GSDME: variants seen among roughly 807,000 people sequenced by gnomAD.
GSDME encodes gasdermin-E.
In GSDME, 44 loss-of-function variants were observed where a neutral mutation model predicts 47.5. That is an observed-to-expected ratio of 0.93 (90% CI 0.73 to 1.19). The LOEUF is 1.19. Ranked by LOEUF, GSDME falls within the 50% of genes most tolerant of loss-of-function variation. The probability of loss-of-function intolerance (pLI) is 0.00; values close to 1 mark genes in which losing one functional copy is unlikely to be tolerated. For missense variants in GSDME, 663 were observed against 604.2 expected, an observed-to-expected ratio of 1.10 and a Z score of -1.02; for synonymous variants, 258 against 252.8, an observed-to-expected ratio of 1.02 and a Z score of -0.20.
chr7:24,747,032 C>T (rs1209276796), intron 2 of GSDME, among the ~76,000 whole-genome samples: 2 of 152,212 alleles, frequency 1.3e-5, no homozygotes, highest in Non-Finnish European at 2.9e-5. Context: ...GGATTCTTCA[C>T]CTGCAGTGAC....
At chr7:24,711,327 C>T (rs958280754) in intron 5 of GSDME, among the ~76,000 whole-genome samples, 4 of 152,072 alleles carry the variant, frequency 2.6e-5, no homozygotes, top group Admixed American at 2.0e-4. Flanking sequence ...TTGCTGGAAG[C>T]GATTCTCCTG....
the GSDME span, among the ~76,000 whole-genome samples, chr7:24,789,161 G>T: frequency 2.0e-5 from 3 of 152,200 alleles, no homozygotes; most frequent in Non-Finnish European, 4.4e-5. Context: ...GGTGTTTCTG[G>T]TATTGCAAAA....
chr7:24,747,699 A>T (rs4719779), intron 2 of GSDME, among the ~76,000 whole-genome samples: 39,796 of 150,290 alleles, frequency 0.26, 5,298 homozygotes, highest in Admixed American at 0.32. Context: ...GGAGACAGGG[A>T]CTCTGTTGCC....
rs1448390469 is a variant in GSDME, at chr7:24,726,600, G to A, written c.405-7382C>T. ...GCACTTTGGGAGGCCGAGGCGGGCG[G>A]ATCACGAGGTCAGGAGATCGAGACC... On this transcript the variant is annotated intron_variant, in intron 3 of 9. Coordinates refer to ENST00000645220, the MANE Select transcript of GSDME (RefSeq NM_001127453.2). This position sits in a 1 kb window ranked among gnomAD's most constrained non-coding sequence, Gnocchi z 5.6. 1.3e-5 allele frequency among the ~76,000 whole-genome samples: 2 copies of A among 152,260 alleles called. No individual in the cohort carries two copies. Among genetic ancestry groups the A allele is most frequent in the East Asian group, 3.9e-4 (2 of 5,180 alleles).
chr7:24,794,412 A>G, the GSDME span, among the ~76,000 whole-genome samples: 5 of 152,042 alleles, frequency 3.3e-5, no homozygotes, highest in Non-Finnish European at 7.4e-5. Flanking sequence ...CGGCGGGAGT[A>G]GAGCTACTCT....
In GSDME at chr7:24,721,124, G is replaced by A. The variant is rs1789766641; in HGVS notation, c.405-1906C>T. On this transcript the variant is annotated intron_variant, in intron 3 of 9. Transcript: ENST00000645220. This position sits in a 1 kb window ranked among gnomAD's most constrained non-coding sequence, Gnocchi z 4.1. ...CTGCCTGATGGCTGCAGAGTTCCTA[G>A]TTGAGGTGACGAAGAAGTTCTAGAA... 6.6e-6 allele frequency among the ~76,000 whole-genome samples: 1 copy of A among 152,148 alleles called. No homozygotes were observed. Among genetic ancestry groups the A allele is most frequent in the East Asian group, 1.9e-4 (1 of 5,196 alleles).
intron 3 of GSDME, among the ~76,000 whole-genome samples, chr7:24,723,052 G>A (rs182872229): frequency 4.6e-5 from 7 of 152,324 alleles, no homozygotes; most frequent in African/African-American, 1.4e-4. Context: ...CAGGGCTGCC[G>A]GAAACTGCAG....
At chr7:24,738,022 C>A (rs568150754) in intron 3 of GSDME, among the ~76,000 whole-genome samples, 3 of 152,102 alleles carry the variant, frequency 2.0e-5, no homozygotes, top group Non-Finnish European at 4.4e-5. Context: ...TAGTATCATA[C>A]TGAAATGGAG....
At position 24,714,087 on chromosome 7, in the gene GSDME, G is replaced by A. The variant is rs750773490; in HGVS notation, c.697+3167C>T. Reference sequence around the variant, plus strand: ...CAACTGGAAGTTGGTGCTGAAGGACGCTAGCAAATGCCAAGATGTATAAAA... The same window carrying A: ...CAACTGGAAGTTGGTGCTGAAGGACACTAGCAAATGCCAAGATGTATAAAA... On this transcript the variant is annotated intron_variant, in intron 5 of 9. Coordinates refer to ENST00000645220, the MANE Select transcript of GSDME (RefSeq NM_001127453.2). This position sits in a 1 kb window ranked among gnomAD's most constrained non-coding sequence, Gnocchi z 5.0. Among the ~76,000 whole-genome samples, 17 of 152,210 alleles carry A rather than the reference G, an allele frequency of 1.1e-4. No homozygotes were observed. Among genetic ancestry groups the A allele is most frequent in the Non-Finnish European group, 2.4e-4 (16 of 68,046 alleles).
At chr7:24,734,744 T>A (rs1328172075) in intron 3 of GSDME, among the ~76,000 whole-genome samples, 4 of 150,782 alleles carry the variant, frequency 2.7e-5, no homozygotes, top group Non-Finnish European at 5.9e-5. Flanking sequence ...TGAAAATACA[T>A]CAGAGGAGAC....
At chr7:24,730,190 C>T (rs1273988502) in intron 3 of GSDME, among the ~76,000 whole-genome samples, 3 of 152,204 alleles carry the variant, frequency 2.0e-5, no homozygotes, top group Non-Finnish European at 4.4e-5. Flanking sequence ...CCAAGTGGAA[C>T]AAACATCTGC....
the GSDME span, among the ~76,000 whole-genome samples, chr7:24,778,217 G>C: frequency 1.8e-4 from 27 of 151,782 alleles, no homozygotes; most frequent in African/African-American, 6.3e-4. This position sits in a 1 kb window ranked among gnomAD's most constrained non-coding sequence, Gnocchi z 5.6. Flanking sequence ...GAAGGACCAG[G>C]TTAGAGCTAG....
Position 24,717,293 on chromosome 7 carries a change from C to T in GSDME, c.658G>A (p.Gly220Ser), listed in dbSNP as rs140666247. The change falls in exon 5 of 10, where the codon GGT becomes AGT. Residue 220 changes from glycine (G) to serine (S), a missense_variant. Physicochemically the swap from Gly to Ser is moderately conservative, Grantham distance 56 (BLOSUM62 0). Transcript: ENST00000645220. Reference protein sequence around the residue: ...EIPAATTIAYGVIELYVKLDG... With the variant: ...EIPAATTIAYSVIELYVKLDG... ...AGTTTCACGTATAACTCAATGACAC[C>T]GTAGGCAATGGTGGTGGCAGCTGGG... 5.3e-4 allele frequency: 854 copies of T among 1,614,092 alleles called. 4 individuals carry two copies. In the Admixed American group the frequency reaches 6.0e-3, roughly 11 times the overall value.
the GSDME span, among the ~76,000 whole-genome samples, chr7:24,787,402 GT>G: frequency 0.11 from 17,063 of 152,172 alleles, 1,145 homozygotes; most frequent in East Asian, 0.19. The surrounding 1 kb of genome is among the most constrained non-coding windows in gnomAD (Gnocchi z 5.0). Flanking sequence ...AGAAGGTGGT[GT>G]CCCAGCTATG....
the GSDME span, among the ~76,000 whole-genome samples, chr7:24,792,344 A>T: frequency 3.3e-5 from 5 of 152,176 alleles, no homozygotes; most frequent in African/African-American, 1.2e-4. Context: ...AAAGCTGTAT[A>T]TTGGGGGGCA....
At chr7:24,776,894 G>T in the GSDME span, among the ~76,000 whole-genome samples, 2 of 152,044 alleles carry the variant, frequency 1.3e-5, no homozygotes, top group African/African-American at 2.4e-5. Flanking sequence ...GTAAAAAATC[G>T]TGCACCAAAC....
At chr7:24,795,089 C>G in the GSDME span, among the ~76,000 whole-genome samples, 1 of 152,218 alleles carries the variant, frequency 6.6e-6, no homozygotes, top group Non-Finnish European at 1.5e-5. Flanking sequence ...ACCAGTCTTA[C>G]CGTGTTCCAG....
chr7:24,754,549 G>A lies in GSDME; in HGVS notation c.-20+2847C>T, dbSNP rs962976669. Among the ~76,000 whole-genome samples the A allele has an allele frequency of 6.6e-6, 1 of 151,336 alleles. No individual in the cohort carries two copies. Among genetic ancestry groups the A allele is most frequent in the South Asian group, 2.1e-4 (1 of 4,770 alleles). ...TAGTCTGGCTTCCCAGCTGAAAGCAGATGAGAACTAAAAAGGCCAAAGCAA... is the reference window on the plus strand; with the variant it reads ...TAGTCTGGCTTCCCAGCTGAAAGCAAATGAGAACTAAAAAGGCCAAAGCAA... On this transcript the variant is annotated intron_variant, in intron 1 of 9. Transcript: ENST00000645220. This position sits in a 1 kb window ranked among gnomAD's most constrained non-coding sequence, Gnocchi z 5.0.
the GSDME span, among the ~76,000 whole-genome samples, chr7:24,783,895 T>C: frequency 6.6e-6 from 1 of 152,098 alleles, no homozygotes; most frequent in Non-Finnish European, 1.5e-5. Context: ...GGAAGATGAT[T>C]TCATCCTTGG....
Sources: gnomAD v4.1 joint callset for allele counts (sites outside exome capture counted in the v4.1 genomes callset) on GRCh38, gnomAD v4.1.1 for gene constraint, Gnocchi (gnomAD v3.1) non-coding constraint, MANE v1.5 for transcripts, NCBI Gene and HGNC (gene_info 2026-07-23, HGNC 2026-07-21) for gene names.